Variants in IFT56 observed in about 807,000 individuals in gnomAD.
IFT56 encodes the protein intraflagellar transport protein 56.
chr7:139,175,342 A>G, the IFT56 span, among the ~76,000 whole-genome samples: 1 of 152,208 alleles, frequency 6.6e-6, no homozygotes, highest in African/African-American at 2.4e-5. Flanking sequence ...AAATAGGATG[A>G]CCATATGATA....
At chr7:139,185,363 C>T in the IFT56 span, among the ~76,000 whole-genome samples, 1 of 151,968 alleles carries the variant, frequency 6.6e-6, no homozygotes, top group South Asian at 2.1e-4. Flanking sequence ...TAAGCTGTAA[C>T]CTTTGGAGGA....
chr7:139,170,937 A>G, the IFT56 span, among the ~76,000 whole-genome samples: 1 of 152,218 alleles, frequency 6.6e-6, no homozygotes, highest in African/African-American at 2.4e-5. Context: ...ATATGATCTT[A>G]TATTTGGAAA....
At chr7:139,173,632 G>A in the IFT56 span, 147 of 791,824 alleles carry the variant, frequency 1.9e-4, no homozygotes, top group Non-Finnish European at 2.9e-4. Context: ...CCTTAAAAAG[G>A]TCAACATTCT....
At chr7:139,147,222 A>T in the IFT56 span, 1 of 1,613,708 alleles carries the variant, frequency 6.2e-7, no homozygotes, top group African/African-American at 1.3e-5. Flanking sequence ...GTTTGGCCTC[A>T]ATCCACTATA....
the IFT56 span, among the ~76,000 whole-genome samples, chr7:139,156,178 A>G: frequency 6.6e-6 from 1 of 152,124 alleles, no homozygotes; most frequent in East Asian, 1.9e-4. Context: ...TTATTTCTCT[A>G]AGGTCAGTAG....
the IFT56 span, among the ~76,000 whole-genome samples, chr7:139,158,079 A>C: frequency 6.6e-6 from 1 of 151,862 alleles, no homozygotes; most frequent in Non-Finnish European, 1.5e-5. Flanking sequence ...TTTGGGAAGC[A>C]GAGGCAGGCA....
the IFT56 span, among the ~76,000 whole-genome samples, chr7:139,170,769 G>A: frequency 1.3e-5 from 2 of 152,276 alleles, no homozygotes; most frequent in Admixed American, 1.3e-4. Context: ...AAAGTGGGAA[G>A]CCTTTCCTCT....
the IFT56 span, among the ~76,000 whole-genome samples, chr7:139,176,947 G>A: frequency 2.0e-5 from 3 of 152,014 alleles, no homozygotes; most frequent in Non-Finnish European, 2.9e-5. Context: ...GCTGAGGTGG[G>A]CGTATTACGA....
At chr7:139,147,249 A>G in the IFT56 span, 3 of 1,613,404 alleles carry the variant, frequency 1.9e-6, no homozygotes. Flanking sequence ...CTCACTACCA[A>G]GAAGCTATAG....
At chr7:139,151,144 A>G in the IFT56 span, among the ~76,000 whole-genome samples, 2 of 152,222 alleles carry the variant, frequency 1.3e-5, no homozygotes, top group African/African-American at 4.8e-5. Context: ...AGGAGATACA[A>G]AAGGTCAGTA....
the IFT56 span, among the ~76,000 whole-genome samples, chr7:139,164,657 G>A: frequency 6.6e-6 from 1 of 152,032 alleles, no homozygotes; most frequent in African/African-American, 2.4e-5. Flanking sequence ...AAATAACCAA[G>A]TGCTGACTAT....
the IFT56 span, among the ~76,000 whole-genome samples, chr7:139,137,124 C>T: frequency 1.3e-5 from 2 of 151,936 alleles, no homozygotes; most frequent in African/African-American, 4.8e-5. Context: ...GATTTATCAC[C>T]CTGTAGAGTG....
chr7:139,163,027 C>T, the IFT56 span, among the ~76,000 whole-genome samples: 1 of 150,210 alleles, frequency 6.7e-6, no homozygotes, highest in Admixed American at 6.6e-5. Flanking sequence ...GTGTAAGGTG[C>T]TTTACACAGT....
the IFT56 span, among the ~76,000 whole-genome samples, chr7:139,164,199 G>A: frequency 6.6e-6 from 1 of 152,154 alleles, no homozygotes. Flanking sequence ...TATAGTACAT[G>A]CTAATGAATG....
the IFT56 span, among the ~76,000 whole-genome samples, chr7:139,152,923 C>T: frequency 6.6e-6 from 1 of 151,582 alleles, no homozygotes; most frequent in Non-Finnish European, 1.5e-5. Context: ...CGGAGGCGGG[C>T]GGATTGCCTG....
chr7:139,161,089 G>T, the IFT56 span: 1 of 1,398,586 alleles, frequency 7.2e-7, no homozygotes, highest in African/African-American at 1.4e-5. Flanking sequence ...ACAGCAATTA[G>T]AAAGATTAAT....
At chr7:139,158,374 G>A in the IFT56 span, among the ~76,000 whole-genome samples, 2 of 149,970 alleles carry the variant, frequency 1.3e-5, no homozygotes, top group Admixed American at 6.6e-5. Flanking sequence ...TTATCTCAAA[G>A]GAAAAGCTTT....
At chr7:139,158,722 C>T in the IFT56 span, among the ~76,000 whole-genome samples, 3 of 151,836 alleles carry the variant, frequency 2.0e-5, no homozygotes, top group Admixed American at 1.3e-4. Context: ...GAGACCAGCC[C>T]GGACAACACA....
At chr7:139,165,164 G>A in the IFT56 span, 42 of 1,613,574 alleles carry the variant, frequency 2.6e-5, no homozygotes, top group Middle Eastern at 1.6e-4. Flanking sequence ...GGGCTTTGCA[G>A]GTTTTACCTC....
Sources: allele counts gnomAD v4.1 joint callset (sites outside exome capture counted in the v4.1 genomes callset), GRCh38; gene constraint gnomAD v4.1.1; transcripts MANE v1.5; gene names NCBI Gene and HGNC (gene_info 2026-07-23, HGNC 2026-07-21).